The following PPP1R42 variants were observed in gnomAD, a reference collection of about 807,000 sequenced individuals.
PPP1R42 encodes the protein leucine rich repeat containing 67.
PPP1R42 carries 34 observed loss-of-function variants against 31.0 expected under a neutral mutation model. The ratio of observed to expected loss-of-function variants is 1.10; its 90% CI spans 0.83 to 1.46. The LOEUF is 1.46. Among genes scored for constraint, PPP1R42 ranks in the 40% most tolerant of loss-of-function variants. The pLI is 0.00. For missense variants in PPP1R42, 268 were observed against 303.0 expected (o/e 0.88, Z 0.86); for synonymous variants, 103 against 109.8 (o/e 0.94, Z 0.39).
At chr8:67,026,405 T>C (rs1364964449) in intron 1 of PPP1R42, among the ~76,000 whole-genome samples, 1 of 152,214 alleles carries the variant, frequency 6.6e-6, no homozygotes, top group African/African-American at 2.4e-5. Flanking sequence ...GGGTAGTTGA[T>C]TGGTGAAGGG....
intron 7 of PPP1R42, among the ~76,000 whole-genome samples, chr8:66,966,819 A>G (rs1018136199): frequency 2.6e-5 from 4 of 152,184 alleles, no homozygotes; most frequent in African/African-American, 9.7e-5. Context: ...ATGAAGATTC[A>G]GCTTTCAAAA....
intron 5 of PPP1R42, among the ~76,000 whole-genome samples, chr8:66,997,709 T>A (rs1437274454): frequency 6.6e-6 from 1 of 151,564 alleles, no homozygotes; most frequent in Non-Finnish European, 1.5e-5. Context: ...CCCAGCTAAT[T>A]TTTTTTAAAA....
At chr8:67,025,018 A>G (rs368927282) in intron 1 of PPP1R42, among the ~76,000 whole-genome samples, 3 of 150,802 alleles carry the variant, frequency 2.0e-5, no homozygotes, top group Non-Finnish European at 2.9e-5. Flanking sequence ...GCTCACTGCA[A>G]TGTCAAATTC....
At chr8:66,995,112 G>A (rs1240596444) in intron 5 of PPP1R42, among the ~76,000 whole-genome samples, 1 of 152,180 alleles carries the variant, frequency 6.6e-6, no homozygotes, top group Non-Finnish European at 1.5e-5. Context: ...ATAGCACAGG[G>A]TTTGATGTCA....
intron 5 of PPP1R42, among the ~76,000 whole-genome samples, chr8:66,997,087 A>G (rs1815354404): frequency 6.6e-6 from 1 of 152,182 alleles, no homozygotes; most frequent in Non-Finnish European, 1.5e-5. Flanking sequence ...CAGGAGGCGG[A>G]GGTTGCAGTG....
chr8:66,993,837 G>GATGAATGA (rs140471052), intron 5 of PPP1R42, among the ~76,000 whole-genome samples: 79 of 151,924 alleles, frequency 5.2e-4, no homozygotes, highest in African/African-American at 1.6e-3. Context: ...ATGTATGAGA[G>GATGAATGA]ATGAATGAAT....
intron 6 of PPP1R42, 28 bp from the exon 7 acceptor site, chr8:66,982,208 A>C (rs982778146): frequency 8.9e-7 from 1 of 1,125,540 alleles, no homozygotes; most frequent in Non-Finnish European, 1.2e-6. Context: ...CATTTAAAAA[A>C]TACAATATAT....
At chr8:66,968,054 G>T (rs1457266297) in intron 7 of PPP1R42, among the ~76,000 whole-genome samples, 1 of 151,904 alleles carries the variant, frequency 6.6e-6, no homozygotes, top group East Asian at 1.9e-4. Flanking sequence ...GCAATAATGT[G>T]TACTTTTTTG....
chr8:67,014,710 A>C, intron 2 of PPP1R42, 118 bp from the exon 3 acceptor site: 1 of 624,078 alleles, frequency 1.6e-6, no homozygotes, highest in Non-Finnish European at 2.7e-6. Flanking sequence ...ATATAAAAGA[A>C]CAGTATTTCT....
chr8:66,985,899 T>G (rs770913532), intron 6 of PPP1R42: 136 of 928,836 alleles, frequency 1.5e-4, no homozygotes, highest in Middle Eastern at 2.3e-4. Flanking sequence ...ATTTGCTGCT[T>G]CTTTACTCCT....
In PPP1R42 at chr8:66,985,013, T is replaced by C. The variant is rs1814961820; in HGVS notation, c.671-2833A>G. 5.8e-6 allele frequency: 9 copies of C among 1,541,914 alleles called. No individual in the cohort carries two copies. In the East Asian group the frequency reaches 2.0e-4, roughly 35 times the overall value. On this transcript the variant is annotated intron_variant, in intron 6 of 7. Transcript: ENST00000685739. Reference sequence around the variant, plus strand: ...CCAAAATAATCTTCTCTCTTGGGATTTTCCTCTCTAAGGTTAAAGCCATTG... The same window carrying C: ...CCAAAATAATCTTCTCTCTTGGGATCTTCCTCTCTAAGGTTAAAGCCATTG...
intron 7 of PPP1R42, among the ~76,000 whole-genome samples, chr8:66,974,402 A>G (rs750009987): frequency 6.6e-6 from 1 of 152,098 alleles, no homozygotes. Flanking sequence ...TGAAATTGCA[A>G]AATTAGCCGG....
intron 2 of PPP1R42, among the ~76,000 whole-genome samples, chr8:67,015,106 C>T (rs973434763): frequency 1.3e-5 from 2 of 152,122 alleles, no homozygotes; most frequent in African/African-American, 4.8e-5. Flanking sequence ...ATAACCTCCG[C>T]CTCCTGGGTT....
intron 7 of PPP1R42, among the ~76,000 whole-genome samples, 173 bp downstream of exon 7, chr8:66,981,876 T>C (rs1814851598): frequency 6.6e-6 from 1 of 152,222 alleles, no homozygotes; most frequent in Non-Finnish European, 1.5e-5. Context: ...AAATTTCTAA[T>C]ACAAGACAAA....
At chr8:66,989,209 GCTAA>G (rs1185170663) in intron 5 of PPP1R42, among the ~76,000 whole-genome samples, 17 of 152,006 alleles carry the variant, frequency 1.1e-4, no homozygotes, top group Non-Finnish European at 5.9e-5. Context: ...AAGAAAATCA[GCTAA>G]CTGATAGTTC....
intron 5 of PPP1R42, among the ~76,000 whole-genome samples, chr8:67,004,069 G>A (rs896252138): frequency 1.3e-5 from 2 of 149,894 alleles, no homozygotes; most frequent in Non-Finnish European, 2.9e-5. Flanking sequence ...CAGCCTGGGT[G>A]ACAGAGCGAG....
intron 4 of PPP1R42, 129 bp from the exon 5 acceptor site, chr8:67,010,960 T>G (rs935944109): frequency 2.5e-6 from 2 of 804,418 alleles, no homozygotes; most frequent in Non-Finnish European, 3.5e-6. Flanking sequence ...GGCAAAAACA[T>G]CAAAAGCCAT....
intron 7 of PPP1R42, among the ~76,000 whole-genome samples, chr8:66,981,075 C>T (rs1814818561): frequency 6.6e-6 from 1 of 152,142 alleles, no homozygotes; most frequent in East Asian, 1.9e-4. Flanking sequence ...CTCCTGACCT[C>T]ATGTGATCTG....
intron 4 of PPP1R42, 131 bp from the exon 5 acceptor site, chr8:67,010,962 A>G: frequency 1.3e-6 from 1 of 783,636 alleles, no homozygotes; most frequent in South Asian, 3.2e-5. Flanking sequence ...CAAAAACATC[A>G]AAAGCCATGA....
Sources: gnomAD v4.1 joint callset for allele counts (sites outside exome capture counted in the v4.1 genomes callset) on GRCh38, gnomAD v4.1.1 for gene constraint, MANE v1.5 for transcripts, NCBI Gene and HGNC (gene_info 2026-07-23, HGNC 2026-07-21) for gene names.